Variants in VPS13B observed in about 807,000 individuals in gnomAD.
VPS13B encodes the protein intermembrane lipid transfer protein VPS13B.
A neutral mutation model predicts 426.4 loss-of-function variants in VPS13B; 285 were observed. That is an observed-to-expected ratio of 0.67 (90% CI 0.61 to 0.74). The LOEUF (loss-of-function observed/expected upper bound fraction) is 0.74, where lower values mean the gene tolerates loss of function less well. VPS13B is among the 30% of genes least tolerant of loss of function. The pLI is 0.00. For synonymous variants in VPS13B, 1,676 were observed against 1,676.4 expected (o/e 1.00, Z 0.01); for missense variants, 4,537 against 4,782.6 (o/e 0.95, Z 1.51).
chr8:99,116,930 C>T (rs1847690887), intron 7 of VPS13B, among the ~76,000 whole-genome samples: 1 of 151,896 alleles, frequency 6.6e-6, no homozygotes, highest in Admixed American at 6.6e-5. Context: ...TATTTCTTTC[C>T]CTTAGAATTT....
chr8:99,440,839 C>T (rs1369743283), intron 22 of VPS13B, among the ~76,000 whole-genome samples: 1 of 151,998 alleles, frequency 6.6e-6, no homozygotes. Flanking sequence ...ATATTGAAAG[C>T]ATTTTTCAAG....
At chr8:99,451,067 G>A (rs973381728) in intron 23 of VPS13B, among the ~76,000 whole-genome samples, 1 of 152,086 alleles carries the variant, frequency 6.6e-6, no homozygotes, top group African/African-American at 2.4e-5. Context: ...TAATAAATGA[G>A]ACCTCTTTAT....
intron 16 of VPS13B, among the ~76,000 whole-genome samples, chr8:99,187,311 AG>A (rs1318987305): frequency 1.3e-5 from 2 of 152,222 alleles, no homozygotes; most frequent in Non-Finnish European, 2.9e-5. Flanking sequence ...TAGAATAAAA[AG>A]GAAAATGAGA....
intron 20 of VPS13B, among the ~76,000 whole-genome samples, chr8:99,384,815 G>A (rs1485724668): frequency 2.0e-5 from 3 of 152,190 alleles, no homozygotes; most frequent in Non-Finnish European, 4.4e-5. Context: ...AAGTAGCTGG[G>A]ATTACAGGCA....
intron 43 of VPS13B, 43 bp downstream of exon 43, chr8:99,784,519 G>C: frequency 1.9e-6 from 3 of 1,611,862 alleles, no homozygotes; most frequent in Non-Finnish European, 2.5e-6. Flanking sequence ...GTTAAGGTTG[G>C]GGATTCATTT....
At chr8:99,611,477 A>G (rs1167622200) in intron 33 of VPS13B, among the ~76,000 whole-genome samples, 2 of 151,968 alleles carry the variant, frequency 1.3e-5, no homozygotes, top group African/African-American at 4.8e-5. Flanking sequence ...TTTTTTTTAT[A>G]TGCATTATCT....
intron 57 of VPS13B, among the ~76,000 whole-genome samples, chr8:99,860,124 G>A (rs2130936387): frequency 6.6e-6 from 1 of 152,280 alleles, no homozygotes; most frequent in African/African-American, 2.4e-5. Flanking sequence ...CTCAGCAGGA[G>A]GCAAGGAAAA....
At chr8:99,412,350 C>T (rs189396510) in intron 21 of VPS13B, among the ~76,000 whole-genome samples, 8 of 152,222 alleles carry the variant, frequency 5.3e-5, no homozygotes, top group East Asian at 3.9e-4. Flanking sequence ...TGGGAATTCC[C>T]GCATGATTTG....
intron 21 of VPS13B, among the ~76,000 whole-genome samples, chr8:99,421,593 T>A (rs1422554675): frequency 6.6e-6 from 1 of 152,160 alleles, no homozygotes; most frequent in Non-Finnish European, 1.5e-5. Flanking sequence ...TTACTTAACC[T>A]CTTTGTCATC....
intron 36 of VPS13B, among the ~76,000 whole-genome samples, chr8:99,712,627 C>G (rs1332478503): frequency 6.6e-6 from 1 of 152,102 alleles, no homozygotes; most frequent in Non-Finnish European, 1.5e-5. Flanking sequence ...TTTCTCTCTT[C>G]TTGTTCCAGC....
At chr8:99,329,639 G>A (rs142398869) in intron 19 of VPS13B, among the ~76,000 whole-genome samples, 157 of 152,166 alleles carry the variant, frequency 1.0e-3, no homozygotes, top group African/African-American at 3.7e-3. Context: ...TGAGCCATCA[G>A]CTGTAGTGGA....
chr8:99,781,248 T>C (rs1812007518), intron 42 of VPS13B, among the ~76,000 whole-genome samples: 1 of 152,198 alleles, frequency 6.6e-6, no homozygotes, highest in African/African-American at 2.4e-5. Context: ...GGATCCAAAA[T>C]GCCATTTGCA....
intron 31 of VPS13B, among the ~76,000 whole-genome samples, chr8:99,572,863 T>C (rs1049778922): frequency 2.6e-4 from 39 of 152,196 alleles, no homozygotes; most frequent in African/African-American, 8.9e-4. Flanking sequence ...TTCTAGATCC[T>C]TGAGGAATCG....
At chr8:99,231,579 C>T (rs927573218) in intron 17 of VPS13B, among the ~76,000 whole-genome samples, 4 of 152,150 alleles carry the variant, frequency 2.6e-5, no homozygotes, top group Non-Finnish European at 5.9e-5. Flanking sequence ...CAATTCAGAA[C>T]AGTTGTTGCA....
chr8:99,406,610 T>C (rs1815344893), intron 21 of VPS13B, among the ~76,000 whole-genome samples: 1 of 152,282 alleles, frequency 6.6e-6, no homozygotes, highest in South Asian at 2.1e-4. Flanking sequence ...TTTTAAAATG[T>C]TGAATTATTA....
intron 33 of VPS13B, among the ~76,000 whole-genome samples, chr8:99,626,085 G>A (rs923063981): frequency 2.0e-5 from 3 of 152,262 alleles, no homozygotes; most frequent in East Asian, 1.9e-4. Flanking sequence ...AGAAAACATA[G>A]GAGTAATTTT....
chr8:99,293,029 G>C (rs1175185855), intron 19 of VPS13B, among the ~76,000 whole-genome samples: 3 of 152,028 alleles, frequency 2.0e-5, no homozygotes, highest in African/African-American at 7.2e-5. Flanking sequence ...TTCTCTGAAC[G>C]TGTAAAGCAC....
In VPS13B at chr8:99,135,602, T is replaced by C. The variant is rs371379631; in HGVS notation, c.1432T>C (p.Cys478Arg). The change falls in exon 11 of 62, where the codon TGT (cysteine) becomes CGT (arginine). Residue 478 changes from cysteine to arginine, a missense_variant. By Grantham distance (180) the Cys-to-Arg change is radical. Around this residue, in one of 2 missense-constraint regions of VPS13B, gnomAD observed 4,311 missense variants for 4,474.3 expected, o/e 0.96. Transcript: ENST00000357162. ...ENMNRSETEA[C>R]FFICGDNLST... is the part of the protein sequence containing the mutation. Reference sequence around the variant, plus strand: ...ATTTTGCATTTGTTTTCAGGAAGCCTGTTTCTTCATTTGTGGTGACAATTT... The same window carrying C: ...ATTTTGCATTTGTTTTCAGGAAGCCCGTTTCTTCATTTGTGGTGACAATTT... The C allele has an allele frequency of 6.2e-7, 1 of 1,613,150 alleles. No homozygotes were observed.
intron 19 of VPS13B, among the ~76,000 whole-genome samples, chr8:99,375,005 G>A (rs1273694058): frequency 6.6e-6 from 1 of 152,062 alleles, no homozygotes; most frequent in East Asian, 1.9e-4. Context: ...CTCCTGCTTC[G>A]CACTCAGACT....
Sources: gnomAD v4.1 joint callset for allele counts (sites outside exome capture counted in the v4.1 genomes callset) on GRCh38, gnomAD v4.1.1 for gene constraint, gnomAD v4.1.1 regional missense constraint, MANE v1.5 for transcripts, NCBI Gene and HGNC (gene_info 2026-07-23, HGNC 2026-07-21) for gene names.